TLR5: variants seen among roughly 807,000 people sequenced by gnomAD.
TLR5 encodes toll-like receptor 5.
For missense variants in TLR5, 944 were observed against 999.8 expected, an observed-to-expected ratio of 0.94 and a Z score of 0.75; for synonymous variants, 373 against 384.4, an observed-to-expected ratio of 0.97 and a Z score of 0.35.
At position 223,111,246 on chromosome 1, in the gene TLR5, G is replaced by T; in HGVS notation, c.1786C>A (p.His596Asn). ...ELSTFINWLN[H>N]TNVTIAGPPA... ...GGCCCAGCTATAGTGACATTGGTGTGATTAAGCCAATTGATAAAAGTGCTA... is the reference window on the plus strand; with the variant it reads ...GGCCCAGCTATAGTGACATTGGTGTTATTAAGCCAATTGATAAAAGTGCTA... The change falls in exon 6 of 6, where the codon CAC becomes AAC. Residue 596 changes from histidine to asparagine, a missense_variant. Physicochemically the swap from His to Asn is moderately conservative, Grantham distance 68. Coordinates refer to ENST00000642603, the MANE Select transcript of TLR5 (RefSeq NM_003268.6). 6.2e-7 allele frequency: 1 copy of T among 1,614,158 alleles called. No individual in the cohort carries two copies. Among genetic ancestry groups the T allele is most frequent in the South Asian group, 1.1e-5 (1 of 91,076 alleles).
chr1:223,120,160 C>T (rs969324416), intron 5 of TLR5, among the ~76,000 whole-genome samples: 30 of 151,920 alleles, frequency 2.0e-4, no homozygotes, highest in Non-Finnish European at 3.1e-4. Flanking sequence ...TAGAGAATCC[C>T]CTTCCCTTTC....
rs1226946496 is a variant in TLR5 at position 223,109,566 on chromosome 1, A to G, written c.*889T>C. 2.0e-5 allele frequency: 3 copies of G among 152,196 alleles called. No homozygotes were observed. Among genetic ancestry groups the G allele is most frequent in the Non-Finnish European group, 4.4e-5 (3 of 68,050 alleles). The allele number at this position is 152,196 out of a possible 1,614,324, so 9.4% of individuals were successfully genotyped here. A position where few individuals can be genotyped will look rare whatever the true frequency, so the allele number is the denominator to read the frequency against. ...GACATCCTTGGCCAATTTAATTTTCACAGGAATTCTATGACATAGATGCTG... is the reference window on the plus strand; with the variant it reads ...GACATCCTTGGCCAATTTAATTTTCGCAGGAATTCTATGACATAGATGCTG... On this transcript the variant is annotated 3_prime_UTR_variant, in exon 6 of 6. Coordinates refer to ENST00000642603, the MANE Select transcript of TLR5 (RefSeq NM_003268.6).
intron 5 of TLR5, among the ~76,000 whole-genome samples, chr1:223,113,390 G>C (rs1380676773): frequency 6.6e-6 from 1 of 152,012 alleles, no homozygotes; most frequent in Non-Finnish European, 1.5e-5. Context: ...ATTTTTAGTA[G>C]AAATGGGGTT....
intron 5 of TLR5, among the ~76,000 whole-genome samples, chr1:223,116,764 T>C (rs372010002): frequency 1.3e-5 from 2 of 152,338 alleles, no homozygotes; most frequent in African/African-American, 4.8e-5. Context: ...ATAGATTAGC[T>C]AGACACAGAG....
At chr1:223,121,168 G>A (rs1012528408) in intron 5 of TLR5, among the ~76,000 whole-genome samples, 1 of 152,174 alleles carries the variant, frequency 6.6e-6, no homozygotes, top group Non-Finnish European at 1.5e-5. Flanking sequence ...AGGTGTGAGT[G>A]TTTAACTCAT....
At position 223,110,970 on chromosome 1, in the gene TLR5, G is replaced by T. The variant is rs752184547; in HGVS notation, c.2062C>A (p.Pro688Thr). ...VFKDHPQGTE[P>T]DMYKYDAYLC... ...TAGGCATCATATTTGTACATATCAG[G>T]TTCTGTGCCCTGGGGATGGTCCTTG... Residue 688 changes from proline to threonine, a missense_variant, in exon 6 of 6, where the codon CCT (proline) becomes ACT (threonine). Coordinates refer to ENST00000642603, the MANE Select transcript of TLR5 (RefSeq NM_003268.6). The T allele has an allele frequency of 6.8e-6, 11 of 1,614,092 alleles. No individual in the cohort carries two copies. Among genetic ancestry groups the T allele is most frequent in the Non-Finnish European group, 8.5e-6 (10 of 1,180,058 alleles).
Position 223,112,145 on chromosome 1 carries a change from G to T in TLR5, c.887C>A (p.Ser296Ter), listed in dbSNP as rs368559197. Residue 296 changes from serine (S) to a stop codon, truncating the protein, a stop_gained, in exon 6 of 6, where the codon TCA becomes TAA. Coordinates refer to ENST00000642603, the MANE Select transcript of TLR5 (RefSeq NM_003268.6). LOFTEE classifies it low-confidence loss of function (END_TRUNC). The stretch of plus-strand genomic sequence containing the variant: ...GTTCAGGGAGAAGACAAACCCATGT[G>T]AAAGATCCAGGTGTCTCACTGAACT... The part of the protein sequence containing the change: ...ARSSVRHLDL[S>*]HGFVFSLNSR... 9.9e-6 allele frequency: 16 copies of T among 1,614,198 alleles called. No individual in the cohort carries two copies. The highest frequency in any genetic ancestry group is 1.3e-5 in the Non-Finnish European group (15 of 1,180,036).
intron 5 of TLR5, among the ~76,000 whole-genome samples, chr1:223,130,818 T>C (rs1657369325): frequency 1.3e-5 from 2 of 152,218 alleles, no homozygotes; most frequent in Admixed American, 6.5e-5. Context: ...CTGATATTCA[T>C]CTTTGCTCAT....
chr1:223,130,793 C>T (rs543804527), intron 5 of TLR5, among the ~76,000 whole-genome samples: 1 of 152,326 alleles, frequency 6.6e-6, no homozygotes, highest in Admixed American at 6.5e-5. Context: ...ACCTTTCTCA[C>T]TGGTCAGACA....
rs145537963 is a variant in TLR5 at position 223,110,465 on chromosome 1, G to A, written c.2567C>T (p.Thr856Ile). Residue 856 changes from threonine (T) to isoleucine (I), a missense_variant, in exon 6 of 6, where the codon ACC becomes ATC. Thr to Ile is a moderately conservative substitution (Grantham distance 89). Transcript: ENST00000642603. ...DNNIPLQTVA[T>I]IS ...AAATTGCTCCTTTGATTAGGAGATG[G>A]TTGCTACAGTTTGCAACGGAATGTT... 3.2e-5 allele frequency: 52 copies of A among 1,614,092 alleles called. No individual in the cohort carries two copies. The East Asian group carries it at 1.1e-3, about 33-fold the overall frequency.
intron 5 of TLR5, among the ~76,000 whole-genome samples, chr1:223,117,950 T>C (rs1184085776): frequency 6.6e-6 from 1 of 152,248 alleles, no homozygotes; most frequent in African/African-American, 2.4e-5. Flanking sequence ...TTTTCCGAAA[T>C]GGTGAATAAC....
chr1:223,120,558 T>C (rs1457062201), intron 5 of TLR5, among the ~76,000 whole-genome samples: 2 of 152,246 alleles, frequency 1.3e-5, no homozygotes, highest in African/African-American at 2.4e-5. Flanking sequence ...TCACAGGTCA[T>C]GGTCCTCACA....
At chr1:223,113,408 G>A (rs1400541388) in intron 5 of TLR5, among the ~76,000 whole-genome samples, 2 of 152,060 alleles carry the variant, frequency 1.3e-5, no homozygotes, top group Admixed American at 1.3e-4. Flanking sequence ...GTTTCACCAT[G>A]TTGCCCAGGC....
intron 5 of TLR5, among the ~76,000 whole-genome samples, chr1:223,117,316 T>C (rs1192901096): frequency 6.6e-6 from 1 of 151,484 alleles, no homozygotes; most frequent in Non-Finnish European, 1.5e-5. Flanking sequence ...CCTGTGCCTC[T>C]CCCTCCACAC....
chr1:223,111,366 A>C lies in TLR5; in HGVS notation c.1666T>G (p.Ser556Ala). 1 of 1,614,224 alleles carries C rather than the reference A, an allele frequency of 6.2e-7. No homozygotes were observed. ...LPANLEILDISRNQLLAPNPD... is the reference protein window; with the variant it reads ...LPANLEILDIARNQLLAPNPD... The stretch of plus-strand genomic sequence containing the variant: ...TTAGGAGCTAGGAGCTGGTTCCTGG[A>C]TATGTCCAGGATCTCTAAATTAGCA... The change falls in exon 6 of 6, where the codon TCC becomes GCC. Residue 556 changes from serine to alanine, a missense_variant. Ser to Ala is a moderately conservative substitution (Grantham distance 99). Transcript: ENST00000642603.
At chr1:223,136,321 C>T (rs1197672601) in intron 3 of TLR5, among the ~76,000 whole-genome samples, 1 of 152,118 alleles carries the variant, frequency 6.6e-6, no homozygotes, top group African/African-American at 2.4e-5. Context: ...GATGGGGGAG[C>T]AGGAGATACC....
At chr1:223,122,922 A>G (rs759618481) in intron 5 of TLR5, among the ~76,000 whole-genome samples, 1 of 152,212 alleles carries the variant, frequency 6.6e-6, no homozygotes, top group Non-Finnish European at 1.5e-5. Context: ...AACAGGAGAT[A>G]GAAAACATTT....
intron 4 of TLR5, among the ~76,000 whole-genome samples, chr1:223,133,654 C>T (rs1657481731): frequency 6.6e-6 from 1 of 152,222 alleles, no homozygotes; most frequent in Non-Finnish European, 1.5e-5. Context: ...AATACATTCA[C>T]TTCCCCTTCC....
intron 5 of TLR5, among the ~76,000 whole-genome samples, chr1:223,120,955 T>C (rs1656926460): frequency 6.6e-6 from 1 of 152,148 alleles, no homozygotes; most frequent in Non-Finnish European, 1.5e-5. Flanking sequence ...TGGTGGTGCA[T>C]ACCTGTAGTC....
Sources: allele counts gnomAD v4.1 joint callset (sites outside exome capture counted in the v4.1 genomes callset), GRCh38; gene constraint gnomAD v4.1.1; transcripts MANE v1.5; gene names NCBI Gene and HGNC (gene_info 2026-07-23, HGNC 2026-07-21).